The following HDAC9 variants were observed in gnomAD, a reference collection of about 807,000 sequenced individuals.
HDAC9 encodes histone deacetylase 9.
A neutral mutation model predicts 139.4 loss-of-function variants in HDAC9; 41 were observed. That is an observed-to-expected ratio of 0.29 (90% CI 0.23 to 0.38). The LOEUF (loss-of-function observed/expected upper bound fraction) is 0.38. Ranked by LOEUF, HDAC9 falls within the 10% of genes least tolerant of loss-of-function variation. The pLI, the probability that HDAC9 is intolerant of heterozygous loss-of-function variation, is 1.00. For missense variants in HDAC9, 1,147 were observed against 1,297.0 expected (o/e 0.88, Z 1.78); for synonymous variants, 517 against 476.2 (o/e 1.09, Z -1.12).
intron 2 of HDAC9, among the ~76,000 whole-genome samples, chr7:18,184,663 A>C (rs1263583899): frequency 6.6e-6 from 1 of 152,204 alleles, no homozygotes; most frequent in Non-Finnish European, 1.5e-5. Flanking sequence ...AGGTATATTC[A>C]ACTTATATTA....
intron 24 of HDAC9, among the ~76,000 whole-genome samples, chr7:18,962,156 T>A (rs574144538): frequency 6.6e-6 from 1 of 152,242 alleles, no homozygotes; most frequent in Admixed American, 6.5e-5. Flanking sequence ...GAATTTCAAA[T>A]CCCTGCCCTG....
chr7:18,670,657 A>G (rs1795614767), intron 12 of HDAC9, among the ~76,000 whole-genome samples: 1 of 151,948 alleles, frequency 6.6e-6, no homozygotes, highest in African/African-American at 2.4e-5. Flanking sequence ...ATTTGAACCT[A>G]GGCACTTTGG....
At chr7:18,980,991 T>A (rs536370179) in intron 25 of HDAC9, among the ~76,000 whole-genome samples, 4 of 151,768 alleles carry the variant, frequency 2.6e-5, no homozygotes, top group Non-Finnish European at 5.9e-5. Context: ...GGCCAGCTAA[T>A]TTTTTTTGTA....
At chr7:18,302,279 A>C (rs1798589883) in intron 1 of HDAC9, among the ~76,000 whole-genome samples, 1 of 152,182 alleles carries the variant, frequency 6.6e-6, no homozygotes, top group Non-Finnish European at 1.5e-5. Flanking sequence ...TGTGGTTCTG[A>C]AGGGGACTTA....
intron 1 of HDAC9, among the ~76,000 whole-genome samples, chr7:18,399,904 C>A (rs761835609): frequency 2.6e-5 from 4 of 152,168 alleles, no homozygotes; most frequent in Admixed American, 1.3e-4. Flanking sequence ...GTTTTTCAGG[C>A]TGGGGAACAG....
intron 2 of HDAC9, among the ~76,000 whole-genome samples, chr7:18,236,953 T>A (rs185829097): frequency 6.6e-6 from 1 of 152,316 alleles, no homozygotes; most frequent in East Asian, 1.9e-4. Context: ...CCCAGTTGGC[T>A]TGAGACTTTC....
intron 17 of HDAC9, among the ~76,000 whole-genome samples, chr7:18,807,397 T>C (rs750041797): frequency 6.6e-6 from 1 of 152,152 alleles, no homozygotes; most frequent in Non-Finnish European, 1.5e-5. Context: ...CCAACTGTTT[T>C]GTTGACCTTT....
chr7:18,993,138 T>C (rs1228263626), intron 25 of HDAC9, among the ~76,000 whole-genome samples: 3 of 26,664 alleles, frequency 1.1e-4, no homozygotes, highest in Admixed American at 2.8e-4. Flanking sequence ...AATGTAGACA[T>C]ATTTTTTGAT....
intron 2 of HDAC9, among the ~76,000 whole-genome samples, chr7:18,511,228 C>T (rs917153263): frequency 2.0e-5 from 3 of 152,138 alleles, no homozygotes; most frequent in African/African-American, 7.2e-5. Flanking sequence ...GAAAACAACC[C>T]TCAATCAACT....
chr7:18,763,799 A>C (rs1789594379), intron 15 of HDAC9, among the ~76,000 whole-genome samples: 1 of 152,104 alleles, frequency 6.6e-6, no homozygotes, highest in Non-Finnish European at 1.5e-5. Flanking sequence ...GAGTTAAGAA[A>C]AAACAAGTAG....
intron 2 of HDAC9, among the ~76,000 whole-genome samples, chr7:18,252,668 A>C (rs1331607777): frequency 2.0e-5 from 3 of 152,132 alleles, no homozygotes; most frequent in Non-Finnish European, 4.4e-5. Flanking sequence ...CACTTAGCTA[A>C]TTGTGAAAGC....
intron 1 of HDAC9, among the ~76,000 whole-genome samples, chr7:18,451,000 G>A (rs1792764379): frequency 1.3e-5 from 2 of 152,034 alleles, no homozygotes; most frequent in South Asian, 4.1e-4. Flanking sequence ...ATACCGCTGT[G>A]GTCTGAAAGT....
intron 1 of HDAC9, among the ~76,000 whole-genome samples, chr7:18,446,996 C>T (rs1185294639): frequency 6.6e-6 from 1 of 152,204 alleles, no homozygotes; most frequent in African/African-American, 2.4e-5. Flanking sequence ...ACCATGTGAG[C>T]TTTACATTAA....
At chr7:18,360,292 T>G (rs1783674422) in intron 1 of HDAC9, among the ~76,000 whole-genome samples, 1 of 152,240 alleles carries the variant, frequency 6.6e-6, no homozygotes, top group South Asian at 2.1e-4. Flanking sequence ...CTAGTTTACA[T>G]AAGTGAAATG....
In HDAC9 at chr7:19,000,453, C is replaced by T. The variant is rs923468335; in HGVS notation, c.*4391C>T. 6.6e-6 allele frequency: 1 copy of T among 152,160 alleles called. No individual in the cohort carries two copies. The highest frequency in any genetic ancestry group is 2.1e-4 in the South Asian group (1 of 4,832). 9.4% of individuals were successfully genotyped at this position (152,160 alleles called of 1,614,324 possible). A position where few individuals can be genotyped will look rare whatever the true frequency, so the allele number is the denominator to read the frequency against. On this transcript the variant is annotated 3_prime_UTR_variant, in exon 26 of 26. Transcript: ENST00000686413. ...CCAGAGGATGACATTTGTAAGTGAA[C>T]GTGGTATACTCACACATGCTATACT...
intron 2 of HDAC9, among the ~76,000 whole-genome samples, chr7:18,183,011 A>ATT (rs34655659): frequency 7.0e-6 from 1 of 142,024 alleles, no homozygotes; most frequent in Non-Finnish European, 1.5e-5. Flanking sequence ...TTAACATATG[A>ATT]TTTTTTTTTT....
At chr7:18,154,618 C>A (rs1787036210) in intron 1 of HDAC9, among the ~76,000 whole-genome samples, 1 of 152,228 alleles carries the variant, frequency 6.6e-6, no homozygotes, top group African/African-American at 2.4e-5. Flanking sequence ...GGTTAATTGA[C>A]TTCCAGACCG....
chr7:18,209,189 C>G (rs930504082), intron 2 of HDAC9, among the ~76,000 whole-genome samples: 1 of 152,148 alleles, frequency 6.6e-6, no homozygotes, highest in Non-Finnish European at 1.5e-5. Context: ...TCTGATTCAA[C>G]AAAACTTTAT....
chr7:18,732,703 A>ATGTGTACACACACACACGTGTG lies in HDAC9; in HGVS notation c.1909+4951_1909+4952insACACACACACACGTGTGTGTGT, dbSNP rs1562892180. 1.1e-4 allele frequency among the ~76,000 whole-genome samples: 14 copies of ATGTGTACACACACACACGTGTG among 124,792 alleles called. 1 individual carries two copies. The highest frequency in any genetic ancestry group is 1.8e-4 in the Non-Finnish European group (11 of 60,306). 81.9% of individuals were successfully genotyped at this position (124,792 alleles called of 152,430 possible). On this transcript the variant is annotated intron_variant, in intron 13 of 25. Transcript: ENST00000686413. ...CGTATGTGTACACACACACACGTGT[A>ATGTGTACACACACACACGTGTG]TGTGTGCGTATGTGTACACACACAC...
Sources: gnomAD v4.1 joint callset for allele counts (sites outside exome capture counted in the v4.1 genomes callset) on GRCh38, gnomAD v4.1.1 for gene constraint, MANE v1.5 for transcripts, NCBI Gene and HGNC (gene_info 2026-07-23, HGNC 2026-07-21) for gene names.